The following ABCC2 variants were observed in gnomAD, a reference collection of about 807,000 sequenced individuals.
The protein encoded by ABCC2 is ATP-binding cassette sub-family C member 2.
Under a neutral mutation model 173.4 loss-of-function variants are expected in ABCC2, and 157 were observed. That is an observed-to-expected ratio of 0.91 (90% confidence interval 0.80 to 1.03). The LOEUF (loss-of-function observed/expected upper bound fraction) is 1.03, where lower values mean the gene tolerates loss of function less well. ABCC2 is among the 50% of genes least tolerant of loss of function. The probability of loss-of-function intolerance (pLI) is 0.00; values close to 1 mark genes in which losing one functional copy is unlikely to be tolerated. For synonymous variants in ABCC2, 657 were observed against 693.5 expected (o/e 0.95, Z 0.83); for missense variants, 1,822 against 1,852.3 (o/e 0.98, Z 0.30).
At chr10:99,827,137 G>C (rs946516833) in intron 19 of ABCC2, among the ~76,000 whole-genome samples, 3 of 152,180 alleles carry the variant, frequency 2.0e-5, no homozygotes, top group Non-Finnish European at 2.9e-5. Context: ...TATCCATACT[G>C]ACTTTCTGGG....
chr10:99,833,655 C>G (rs2038773722), intron 23 of ABCC2, among the ~76,000 whole-genome samples: 1 of 152,132 alleles, frequency 6.6e-6, no homozygotes, highest in African/African-American at 2.4e-5. Context: ...TCTGATAGGA[C>G]TTTGGGAAAG....
rs544667814 is a variant in ABCC2 at position 99,820,378 on chromosome 10, T to G, written c.2620+1109T>G. ...TGCACTCCAGCCTGGGCAACAAGAG[T>G]GAAACTCCATCTCACACACACACAC... On this transcript the variant is annotated intron_variant, in intron 19 of 31. Coordinates refer to ENST00000647814, the MANE Select transcript of ABCC2 (RefSeq NM_000392.5). Among the ~76,000 whole-genome samples the G allele has an allele frequency of 3.1e-5, 4 of 127,218 alleles. No individual in the cohort carries two copies. In the South Asian group the frequency reaches 7.8e-4, roughly 25 times the overall value. 83.5% of individuals were successfully genotyped at this position (127,218 alleles called of 152,430 possible). A position where few individuals can be genotyped will look rare whatever the true frequency, so the allele number is the denominator to read the frequency against.
chr10:99,813,235 AGTAG>A, intron 16 of ABCC2, 91 bp downstream of exon 16: 1 of 1,497,168 alleles, frequency 6.7e-7, no homozygotes, highest in Non-Finnish European at 9.1e-7. Context: ...ACTGAGGGCT[AGTAG>A]GTGAGGTCTT....
At chr10:99,807,936 C>T in intron 12 of ABCC2, 147 bp from the exon 13 acceptor site, 2 of 993,830 alleles carry the variant, frequency 2.0e-6, no homozygotes, top group Admixed American at 3.6e-5. Flanking sequence ...TCCTCCTCTC[C>T]TGGGCTCAGT....
At chr10:99,795,801 A>AAGAAAGATAGATAGAG (rs58906337) in intron 6 of ABCC2, among the ~76,000 whole-genome samples, 1 of 102,288 alleles carries the variant, frequency 9.8e-6, no homozygotes, top group African/African-American at 3.7e-5. Context: ...GAAAGAAAGA[A>AAGAAAGATAGATAGAG]AGATTTCTAA....
intron 25 of ABCC2, among the ~76,000 whole-genome samples, chr10:99,841,584 T>C (rs1216142579): frequency 1.3e-5 from 2 of 151,960 alleles, no homozygotes; most frequent in African/African-American, 4.8e-5. Context: ...AAATGCAGAT[T>C]CTTGAATCCC....
At chr10:99,847,389 G>A (rs570539288) in intron 30 of ABCC2, among the ~76,000 whole-genome samples, 7 of 151,868 alleles carry the variant, frequency 4.6e-5, no homozygotes, top group African/African-American at 1.7e-4. Flanking sequence ...ATCACCTGAG[G>A]TCAGGAGTTC....
At position 99,797,227 on chromosome 10, in the gene ABCC2, C is replaced by T. The variant is rs147494662; in HGVS notation, c.763C>T (p.Arg255Trp). ...GAAGAGAGAGCTGCAGAAAGCCAGG[C>T]GGGCACTCCAGAGACGGCAGGAGAA... ...HMKRELQKAR[R>W]ALQRRQEKSS... Residue 255 changes from arginine to tryptophan, a missense_variant, in exon 7 of 32, where the codon CGG becomes TGG. Coordinates refer to ENST00000647814, the MANE Select transcript of ABCC2 (RefSeq NM_000392.5). 1.4e-4 allele frequency: 225 copies of T among 1,614,116 alleles called. No individual in the cohort carries two copies. The highest frequency in any genetic ancestry group is 1.8e-4 in the Admixed American group (11 of 60,020).
chr10:99,839,103 C>A (rs1254928722), intron 25 of ABCC2, among the ~76,000 whole-genome samples: 1 of 142,098 alleles, frequency 7.0e-6, no homozygotes, highest in Non-Finnish European at 1.6e-5. Flanking sequence ...CCCCCCCCAC[C>A]TCCCTCCCGG....
intron 16 of ABCC2, among the ~76,000 whole-genome samples, chr10:99,815,015 C>T (rs1205565659): frequency 6.6e-6 from 1 of 150,882 alleles, no homozygotes; most frequent in Non-Finnish European, 1.5e-5. Flanking sequence ...ATTTGCAGAA[C>T]GTGTAGGTTT....
In ABCC2 at chr10:99,843,818, G is replaced by A; in HGVS notation, c.3761G>A (p.Trp1254Ter). 1 of 1,614,156 alleles carries A rather than the reference G, an allele frequency of 6.2e-7. No individual in the cohort carries two copies. The highest frequency in any genetic ancestry group is 8.5e-7 in the Non-Finnish European group (1 of 1,179,998). ...NALNITQTLN[W>*]LVRMTSEIET... ...CTGTAGATCACACAAACCCTGAACTGGCTGGTGAGGATGACATCAGAAATA... is the reference window on the plus strand; with the variant it reads ...CTGTAGATCACACAAACCCTGAACTAGCTGGTGAGGATGACATCAGAAATA... The change falls in exon 27 of 32, where the codon TGG (tryptophan) becomes TAG (stop). Residue 1254 changes from tryptophan (W) to a stop codon, truncating the protein, a stop_gained. Transcript: ENST00000647814. LOFTEE classifies it high-confidence loss of function.
chr10:99,814,309 GTATATACACACGTA>G (rs2038307320), intron 16 of ABCC2, among the ~76,000 whole-genome samples: 2 of 43,778 alleles, frequency 4.6e-5, no homozygotes, highest in African/African-American at 1.8e-4. Flanking sequence ...ATACACACAT[GTATATACACACGTA>G]TGTATACACA....
chr10:99,840,315 GCGTCAGCGC>G (rs2038914787), intron 25 of ABCC2, among the ~76,000 whole-genome samples: 1 of 142,634 alleles, frequency 7.0e-6, no homozygotes. Context: ...GGGCCCGCGG[GCGTCAGCGC>G]CGCGACTGTC....
chr10:99,852,543 G>T lies in ABCC2; in HGVS notation c.*912G>T, dbSNP rs886824193. 6.6e-6 allele frequency among the ~76,000 whole-genome samples: 1 copy of T among 152,252 alleles called. No individual in the cohort carries two copies. The highest frequency in any genetic ancestry group is 1.9e-4 in the East Asian group (1 of 5,186). ...GGTATTTTATTTCCTTGTATGTCTT[G>T]TGAATTTTTATTATAAGCTCGTTCT... On this transcript the variant is annotated 3_prime_UTR_variant, in exon 32 of 32. Transcript: ENST00000647814.
chr10:99,851,773 AC>A lies in ABCC2; in HGVS notation c.*145del. 1 of 805,262 alleles carries A rather than the reference AC, an allele frequency of 1.2e-6. No homozygotes were observed. The highest frequency in any genetic ancestry group is 1.9e-6 in the Non-Finnish European group (1 of 537,602). The allele number at this position is 805,262 out of a possible 1,614,324, so 49.9% of individuals were successfully genotyped here. ...ATAAGTGAACACCCATGAACCTACT[AC>A]CCAGGTTAAGAAAATAAATGTCACC... On this transcript the variant is annotated 3_prime_UTR_variant, in exon 32 of 32. Coordinates refer to ENST00000647814, the MANE Select transcript of ABCC2 (RefSeq NM_000392.5).
At chr10:99,812,392 T>C (rs1554850176) in intron 15 of ABCC2, among the ~76,000 whole-genome samples, 1 of 152,212 alleles carries the variant, frequency 6.6e-6, no homozygotes. Context: ...AAGTTCCTAA[T>C]GTTCCTAATG....
chr10:99,797,473 ACTGATACTAC>A, intron 7 of ABCC2, 142 bp downstream of exon 7: 1 of 742,530 alleles, frequency 1.3e-6, no homozygotes, highest in Non-Finnish European at 2.4e-6. Flanking sequence ...TATTCACAAT[ACTGATACTAC>A]CTTAGTGATG....
Position 99,818,776 on chromosome 10 carries a change from A to AT in ABCC2, c.2272-10dup. ...TAGGGAGTAGTGCTTAATATGAATTATTTTCTTCTTCAGGGTATAAATCTT... is the reference window on the plus strand; with the variant it reads ...TAGGGAGTAGTGCTTAATATGAATTATTTTTCTTCTTCAGGGTATAAATCTT... On this transcript the variant is annotated splice_polypyrimidine_tract_variant and intron_variant, in intron 17 of 31. Transcript: ENST00000647814. The AT allele has an allele frequency of 6.2e-7, 1 of 1,613,806 alleles. No homozygotes were observed. Among genetic ancestry groups the AT allele is most frequent in the Middle Eastern group, 1.7e-4 (1 of 5,860 alleles).
chr10:99,813,588 G>T (rs1472051057), intron 16 of ABCC2, among the ~76,000 whole-genome samples: 1 of 152,094 alleles, frequency 6.6e-6, no homozygotes, highest in Non-Finnish European at 1.5e-5. Context: ...GGTGGCATGT[G>T]CCTGTTATCC....
Sources: gnomAD v4.1 joint callset for allele counts (sites outside exome capture counted in the v4.1 genomes callset) on GRCh38, gnomAD v4.1.1 for gene constraint, MANE v1.5 for transcripts, NCBI Gene and HGNC (gene_info 2026-07-23, HGNC 2026-07-21) for gene names.